The following CFLAR variants were observed in gnomAD, a reference collection of about 807,000 sequenced individuals.
CFLAR encodes CASP8 and FADD like apoptosis regulator.
In CFLAR, 14 loss-of-function variants were observed where a neutral mutation model predicts 51.1. The observed-to-expected ratio is 0.27, with a 90% CI of 0.18 to 0.43. The LOEUF is 0.43. Ranked by LOEUF, CFLAR falls within the 20% of genes least tolerant of loss-of-function variation. The probability of loss-of-function intolerance (pLI) is 1.00; values close to 1 mark genes in which losing one functional copy is unlikely to be tolerated. For synonymous variants in CFLAR, 210 were observed against 211.6 expected (o/e 0.99, Z 0.06); for missense variants, 390 against 566.5 (o/e 0.69, Z 3.16).
Position 201,167,765 on chromosome 2 carries a change from T to C in CFLAR, c.*3792T>C, listed in dbSNP as rs1038701507. 6.6e-6 allele frequency: 1 copy of C among 152,166 alleles called. No individual in the cohort carries two copies. The highest frequency in any genetic ancestry group is 1.5e-5 in the Non-Finnish European group (1 of 68,046). 9.4% of individuals were successfully genotyped at this position (152,166 alleles called of 1,614,324 possible). On this transcript the variant is annotated 3_prime_UTR_variant, in exon 10 of 10. Transcript: ENST00000309955. ...GAACCATGAAGATACGGGCCACACG[T>C]AGGGGTAGCTGGGTAGTGAGCAGCA...
At chr2:201,129,314 A>G (rs780467286) in intron 1 of CFLAR, 2 of 156,204 alleles carry the variant, frequency 1.3e-5, no homozygotes, top group Non-Finnish European at 2.8e-5. Context: ...TCTGTGACAT[A>G]AGTTTCCCTG....
At position 201,129,775 on chromosome 2, in the gene CFLAR, A is replaced by G. The variant is rs2049065944; in HGVS notation, c.-91A>G. On this transcript the variant is annotated 5_prime_UTR_variant, in exon 2 of 10. Coordinates refer to ENST00000309955, the MANE Select transcript of CFLAR (RefSeq NM_003879.7). The stretch of plus-strand genomic sequence containing the variant: ...TCTGAAAGAAATGAAGTCAGCCCTC[A>G]GAAATGAAGTTGACTGCCTGCTGGC... 4.9e-6 allele frequency: 6 copies of G among 1,219,754 alleles called. No homozygotes were observed. Among genetic ancestry groups the G allele is most frequent in the Non-Finnish European group, 5.8e-6 (5 of 857,862 alleles). 75.6% of individuals were successfully genotyped at this position (1,219,754 alleles called of 1,614,324 possible).
In CFLAR at chr2:201,168,838, C is replaced by G. The variant is rs1461498052; in HGVS notation, c.*4865C>G. 4 of 151,928 alleles carry G rather than the reference C, an allele frequency of 2.6e-5. No individual in the cohort carries two copies. Among genetic ancestry groups the G allele is most frequent in the Non-Finnish European group, 5.9e-5 (4 of 67,992 alleles). The allele number at this position is 151,928 out of a possible 1,614,324, so 9.4% of individuals were successfully genotyped here. A position where few individuals can be genotyped will look rare whatever the true frequency, so the allele number is the denominator to read the frequency against. On this transcript the variant is annotated 3_prime_UTR_variant, in exon 10 of 10. Coordinates refer to ENST00000309955, the MANE Select transcript of CFLAR (RefSeq NM_003879.7). ...ACACCAACAATACACAAGCAGAGAG[C>G]CAAATCATGAATGAACTCCCATTCA...
intron 1 of CFLAR, among the ~76,000 whole-genome samples, chr2:201,126,566 G>A (rs1368083249): frequency 6.6e-6 from 1 of 152,164 alleles, no homozygotes; most frequent in Non-Finnish European, 1.5e-5. Flanking sequence ...TCTAAAAACA[G>A]CGTTAGTAAA....
At position 201,138,325 on chromosome 2, in the gene CFLAR, G is replaced by T; in HGVS notation, c.524-2032G>T. 1.3e-6 allele frequency: 1 copy of T among 770,686 alleles called. No individual in the cohort carries two copies. The allele number at this position is 770,686 out of a possible 1,614,324, so 47.7% of individuals were successfully genotyped here. On this transcript the variant is annotated intron_variant, in intron 4 of 9. Transcript: ENST00000309955. This position sits in a 1 kb window ranked among gnomAD's most constrained non-coding sequence, Gnocchi z 4.0. ...CCTCATGGGTACCCACAGCTGCCCC[G>T]CCCAGCAGCTGCTCATGGGAATCCT...
chr2:201,141,743 C>T, intron 5 of CFLAR: 1 of 728,418 alleles, frequency 1.4e-6, no homozygotes, highest in Non-Finnish European at 1.8e-6. Flanking sequence ...GTTCCTAGTA[C>T]TTAGTACAAG....
chr2:201,133,855 T>A (rs1207926947), intron 3 of CFLAR, among the ~76,000 whole-genome samples: 2 of 130,910 alleles, frequency 1.5e-5, no homozygotes, highest in Admixed American at 9.6e-5. Flanking sequence ...GGTGTGAAGC[T>A]GGGAGGCAGA....
At chr2:201,141,608 G>T (rs1014471140) in intron 5 of CFLAR, 5 of 1,304,032 alleles carry the variant, frequency 3.8e-6, no homozygotes, top group Admixed American at 3.6e-5. Context: ...TTGTGCATTT[G>T]TTTTTTTACT....
At chr2:201,153,837 C>T (rs1008365803) in intron 8 of CFLAR, among the ~76,000 whole-genome samples, 1 of 151,328 alleles carries the variant, frequency 6.6e-6, no homozygotes, top group Non-Finnish European at 1.5e-5. Flanking sequence ...GTACTATTCT[C>T]TCCATTAAAT....
At position 201,154,335 on chromosome 2, in the gene CFLAR, C is replaced by T. The variant is rs1575872967; in HGVS notation, c.793+4500C>T. 4 of 160,340 alleles carry T rather than the reference C, an allele frequency of 2.5e-5. No homozygotes were observed. In the South Asian group the frequency reaches 5.4e-4, roughly 22 times the overall value. The allele number at this position is 160,340 out of a possible 1,614,324, so 9.9% of individuals were successfully genotyped here. A position where few individuals can be genotyped will look rare whatever the true frequency, so the allele number is the denominator to read the frequency against. ...CGATCTCCTGACCTTGTGATCTGCCCACCTCAGCCTCCCAAAGTGCTACGA... is the reference window on the plus strand; with the variant it reads ...CGATCTCCTGACCTTGTGATCTGCCTACCTCAGCCTCCCAAAGTGCTACGA... On this transcript the variant is annotated intron_variant, in intron 8 of 9. Coordinates refer to ENST00000309955, the MANE Select transcript of CFLAR (RefSeq NM_003879.7).
At chr2:201,137,196 G>A (rs980890610) in intron 4 of CFLAR, 14 of 201,502 alleles carry the variant, frequency 6.9e-5, no homozygotes, top group Admixed American at 2.7e-4. Context: ...AGGAGGGGCC[G>A]TCTGCCCCTG....
intron 8 of CFLAR, 93 bp downstream of exon 8, chr2:201,149,928 C>A: frequency 1.1e-6 from 1 of 918,552 alleles, no homozygotes; most frequent in Middle Eastern, 2.4e-4. Flanking sequence ...CACCAACTGC[C>A]GTGACAAACC....
rs1237871496 is a variant in CFLAR, at chr2:201,136,419, G to A, written c.523+312G>A. 1.1e-5 allele frequency: 18 copies of A among 1,598,418 alleles called. No homozygotes were observed. In the East Asian group the frequency reaches 2.5e-4, roughly 22 times the overall value. On this transcript the variant is annotated intron_variant, in intron 4 of 9. Coordinates refer to ENST00000309955, the MANE Select transcript of CFLAR (RefSeq NM_003879.7). ...CTATGGACATTCAGGGGTTTTGCATGTATGCTGAACCCTACTGCCTTGCTC... is the reference window on the plus strand; with the variant it reads ...CTATGGACATTCAGGGGTTTTGCATATATGCTGAACCCTACTGCCTTGCTC...
intron 5 of CFLAR, chr2:201,141,226 G>T: frequency 1.8e-6 from 2 of 1,090,464 alleles, no homozygotes; most frequent in Admixed American, 3.6e-5. Context: ...GCAAAACTCT[G>T]TCTCAAAAAA....
chr2:201,143,905 G>A (rs1448210080), intron 5 of CFLAR, among the ~76,000 whole-genome samples: 1 of 151,600 alleles, frequency 6.6e-6, no homozygotes, highest in Non-Finnish European at 1.5e-5. Flanking sequence ...GAGGTTGCAG[G>A]CGCCACTGCA....
chr2:201,147,429 T>C (rs1347074938), intron 6 of CFLAR, among the ~76,000 whole-genome samples: 2 of 152,138 alleles, frequency 1.3e-5, no homozygotes, highest in African/African-American at 4.8e-5. Flanking sequence ...CTCGGGAGGC[T>C]GAGGCAGGAG....
chr2:201,134,754 A>G (rs1233355391), intron 3 of CFLAR, among the ~76,000 whole-genome samples: 1 of 152,072 alleles, frequency 6.6e-6, no homozygotes, highest in African/African-American at 2.4e-5. Context: ...AGGCCAGGAA[A>G]TGTTTGAGAA....
At chr2:201,137,602 C>G in intron 4 of CFLAR, 1 of 749,662 alleles carries the variant, frequency 1.3e-6, no homozygotes, top group Non-Finnish European at 2.5e-6. Flanking sequence ...AACTTGAGCT[C>G]CCCTGAGTAC....
chr2:201,169,955 C>T lies in CFLAR; in HGVS notation c.*5982C>T, dbSNP rs2125985430. On this transcript the variant is annotated 3_prime_UTR_variant, in exon 10 of 10. Coordinates refer to ENST00000309955, the MANE Select transcript of CFLAR (RefSeq NM_003879.7). ...TGATTATTAAAAAGTCAAAAAACAA[C>T]AGATGCTGGCGAGGCTGTGGAGAAG... is the stretch of plus-strand genomic sequence containing the variant. The T allele has an allele frequency of 6.6e-6, 1 of 152,226 alleles. No individual in the cohort carries two copies. Among genetic ancestry groups the T allele is most frequent in the Non-Finnish European group, 1.5e-5 (1 of 68,008 alleles). The allele number at this position is 152,226 out of a possible 1,614,324, so 9.4% of individuals were successfully genotyped here. A position where few individuals can be genotyped will look rare whatever the true frequency, so the allele number is the denominator to read the frequency against.
Sources: gnomAD v4.1 joint callset for allele counts (sites outside exome capture counted in the v4.1 genomes callset) on GRCh38, gnomAD v4.1.1 for gene constraint, Gnocchi (gnomAD v3.1) non-coding constraint, MANE v1.5 for transcripts, NCBI Gene and HGNC (gene_info 2026-07-23, HGNC 2026-07-21) for gene names.